VEZF1: variants seen among roughly 807,000 people sequenced by gnomAD.
VEZF1 encodes the protein putative transcription factor DB1.
In VEZF1, 5 loss-of-function variants were observed where a neutral mutation model predicts 44.1. The observed-to-expected ratio is 0.11, with a 90% CI of 0.06 to 0.24. The LOEUF is 0.24. Ranked by LOEUF, VEZF1 falls within the 10% of genes least tolerant of loss-of-function variation. The pLI, the probability that VEZF1 is intolerant of heterozygous loss-of-function variation, is 1.00. For synonymous variants in VEZF1, 236 were observed against 233.1 expected (o/e 1.01, Z -0.11); for missense variants, 358 against 641.8 (o/e 0.56, Z 4.78).
In VEZF1 at chr17:57,983,594, T is replaced by C. The variant is rs372673813; in HGVS notation, c.34-201A>G. Among the ~76,000 whole-genome samples, 26 of 152,334 alleles carry C rather than the reference T, an allele frequency of 1.7e-4. 1 individual carries two copies. The Middle Eastern group carries it at 0.014, about 80-fold the overall frequency. On this transcript the variant is annotated intron_variant, in intron 1 of 5. Transcript: ENST00000581208. ...AAATCACTGTGCAGACACAAAACTTTTGCAACTAAGTTGCTGACAGTGATC... is the reference window on the plus strand; with the variant it reads ...AAATCACTGTGCAGACACAAAACTTCTGCAACTAAGTTGCTGACAGTGATC...
intron 1 of VEZF1, among the ~76,000 whole-genome samples, chr17:57,984,092 T>A (rs1490824665): frequency 5.3e-5 from 8 of 152,256 alleles, no homozygotes; most frequent in Admixed American, 4.6e-4. Context: ...TATACTGAAG[T>A]CTGCATCTTT....
Position 57,978,913 on chromosome 17 carries a change from T to C in VEZF1, c.1138+239A>G, listed in dbSNP as rs545570997. 1.4e-3 allele frequency among the ~76,000 whole-genome samples: 216 copies of C among 152,298 alleles called. 1 individual carries two copies. Among genetic ancestry groups the C allele is most frequent in the Non-Finnish European group, 2.1e-3 (141 of 68,020 alleles). The stretch of plus-strand genomic sequence containing the variant: ...TTGGATCCAGGTTTGTAGCAAAAAG[T>C]ACATCAAAAGAAAGAACATGATAGG... On this transcript the variant is annotated intron_variant, in intron 5 of 5. Coordinates refer to ENST00000581208, the MANE Select transcript of VEZF1 (RefSeq NM_007146.3).
In VEZF1 at chr17:57,974,843, G is replaced by C. The variant is rs1362324015; in HGVS notation, c.1196C>G (p.Thr399Ser). The stretch of plus-strand genomic sequence containing the variant: ...CACAGAGGATGTTATACTGAATGGA[G>C]TAGTGAGAGTCACAGGTGTCGTAGC... Reference protein sequence around the residue: ...TAATTPVTLTTPFSITSSVSS... With the variant: ...TAATTPVTLTSPFSITSSVSS... The change falls in exon 6 of 6, where the codon ACT (threonine) becomes AGT (serine). Residue 399 changes from threonine to serine, a missense_variant. Around this residue, in one of 4 missense-constraint regions of VEZF1, gnomAD observed 171 missense variants for 272.4 expected, o/e 0.63. Coordinates refer to ENST00000581208, the MANE Select transcript of VEZF1 (RefSeq NM_007146.3). 4.3e-6 allele frequency: 7 copies of C among 1,614,106 alleles called. No homozygotes were observed. Among genetic ancestry groups the C allele is most frequent in the Non-Finnish European group, 5.1e-6 (6 of 1,180,056 alleles).
At chr17:57,981,460 A>C (rs2075249144) in intron 3 of VEZF1, among the ~76,000 whole-genome samples, 1 of 152,354 alleles carries the variant, frequency 6.6e-6, no homozygotes, top group South Asian at 2.1e-4. Flanking sequence ...AATAACAAAC[A>C]AAAATCTAGT....
rs1035582202 is a variant in VEZF1 at position 57,980,588 on chromosome 17, T to G, written c.976+15A>C. On this transcript the variant is annotated intron_variant, in intron 4 of 5. Coordinates refer to ENST00000581208, the MANE Select transcript of VEZF1 (RefSeq NM_007146.3). The stretch of plus-strand genomic sequence containing the variant: ...TCTGAAATATAAAAGAAAGAAAATC[T>G]GAAGCACCACCTACTTTTACTGATG... 1.2e-6 allele frequency: 2 copies of G among 1,609,866 alleles called. No individual in the cohort carries two copies. The highest frequency in any genetic ancestry group is 1.7e-6 in the Non-Finnish European group (2 of 1,178,368).
chr17:57,981,736 C>A, intron 3 of VEZF1, 137 bp downstream of exon 3: 1 of 618,354 alleles, frequency 1.6e-6, no homozygotes, highest in Non-Finnish European at 2.6e-6. Context: ...TTTTATAAAA[C>A]TAGAAGTCAA....
In VEZF1 at chr17:57,971,883, TCAAC is replaced by T. The variant is rs2075139284; in HGVS notation, c.*2586_*2589del. ...TCGTAGAGCAGTGGCTGTCGTGCCTTCAACACCTGGTTGAATCAGTTCATCAACA... is the reference window on the plus strand; with the variant it reads ...TCGTAGAGCAGTGGCTGTCGTGCCTTACCTGGTTGAATCAGTTCATCAACA... On this transcript the variant is annotated 3_prime_UTR_variant, in exon 6 of 6. Transcript: ENST00000581208. 1 of 152,618 alleles carries T rather than the reference TCAAC, an allele frequency of 6.6e-6. No individual in the cohort carries two copies. The highest frequency in any genetic ancestry group is 1.5e-5 in the Non-Finnish European group (1 of 68,022). 9.5% of individuals were successfully genotyped at this position (152,618 alleles called of 1,614,324 possible). A position where few individuals can be genotyped will look rare whatever the true frequency, so the allele number is the denominator to read the frequency against.
intron 5 of VEZF1, among the ~76,000 whole-genome samples, chr17:57,977,615 C>G (rs1423053648): frequency 6.6e-6 from 1 of 152,032 alleles, no homozygotes; most frequent in African/African-American, 2.4e-5. Context: ...GAGGGTGAGG[C>G]GGGCAGATCA....
At position 57,983,155 on chromosome 17, in the gene VEZF1, C is replaced by T. The variant is rs2075266401; in HGVS notation, c.272G>A (p.Arg91His). Reference protein sequence around the residue: ...KAFRDSYHLRRHESCHTGIKL... With the variant: ...KAFRDSYHLRHHESCHTGIKL... ...GATCCCTGTGTGGCAGGATTCGTGG[C>T]GCCTCAGGTGATAGCTGTCCCTGAA... The change falls in exon 2 of 6, where the codon CGC becomes CAC. Residue 91 changes from arginine (R) to histidine (H), a missense_variant. This residue lies in a region of VEZF1 where 117 missense variants were observed against 207.2 expected (regional missense o/e 0.56). Coordinates refer to ENST00000581208, the MANE Select transcript of VEZF1 (RefSeq NM_007146.3). 1.9e-6 allele frequency: 3 copies of T among 1,613,964 alleles called. No individual in the cohort carries two copies. The highest frequency in any genetic ancestry group is 1.7e-6 in the Non-Finnish European group (2 of 1,180,014).
chr17:57,978,551 T>C (rs1444947979), intron 5 of VEZF1, among the ~76,000 whole-genome samples: 2 of 152,136 alleles, frequency 1.3e-5, no homozygotes, highest in Non-Finnish European at 2.9e-5. Flanking sequence ...AAGCAAACCA[T>C]TTAAAATTTT....
At chr17:57,982,457 C>T (rs2075258018) in intron 2 of VEZF1, among the ~76,000 whole-genome samples, 1 of 152,130 alleles carries the variant, frequency 6.6e-6, no homozygotes, top group Non-Finnish European at 1.5e-5. Context: ...AAATGAAAGC[C>T]TGAGTCCACC....
chr17:57,987,481 G>A (rs976647033), intron 1 of VEZF1, among the ~76,000 whole-genome samples: 15 of 152,262 alleles, frequency 9.9e-5, no homozygotes, highest in Non-Finnish European at 2.2e-4. Flanking sequence ...GAGAGGGGTG[G>A]TGGCGGTGAG....
intron 5 of VEZF1, among the ~76,000 whole-genome samples, chr17:57,978,622 G>A (rs2075215349): frequency 6.6e-6 from 1 of 152,158 alleles, no homozygotes; most frequent in Admixed American, 6.5e-5. Flanking sequence ...GCCAGCCAGT[G>A]ATAGACTGAA....
rs932389139 is a variant in VEZF1 at position 57,977,125 on chromosome 17, G to GT, written c.1138+2026dup. On this transcript the variant is annotated intron_variant, in intron 5 of 5. Coordinates refer to ENST00000581208, the MANE Select transcript of VEZF1 (RefSeq NM_007146.3). ...TCTAACACAAAAGTTCATTTGTTTTGTTTTTTTTGAGATGGGGGTCTCAAT... is the reference window on the plus strand; with the variant it reads ...TCTAACACAAAAGTTCATTTGTTTTGTTTTTTTTTGAGATGGGGGTCTCAAT... Among the ~76,000 whole-genome samples the GT allele has an allele frequency of 7.2e-5, 11 of 151,778 alleles. No homozygotes were observed. The East Asian group carries it at 7.7e-4, about 11-fold the overall frequency.
Position 57,988,086 on chromosome 17 carries a change from A to G in VEZF1, c.26T>C (p.Leu9Pro). MEANWTAFLFQAHEASHHQ... is the reference protein window; with the variant it reads MEANWTAFPFQAHEASHHQ... ...CGGGGGGGCCCCCAGTACCTGGAAC[A>G]GGAACGCGGTCCAGTTGGCCTCCAT... is the stretch of plus-strand genomic sequence containing the variant. The change falls in exon 1 of 6, where the codon CTG (leucine) becomes CCG (proline). Residue 9 changes from leucine to proline, a missense_variant. Physicochemically the swap from Leu to Pro is moderately conservative, Grantham distance 98. This residue lies in a region of VEZF1 where 22 missense variants were observed against 17.3 expected (regional missense o/e 1.27). Coordinates refer to ENST00000581208, the MANE Select transcript of VEZF1 (RefSeq NM_007146.3). 3.0e-6 allele frequency: 2 copies of G among 664,070 alleles called. No homozygotes were observed. The highest frequency in any genetic ancestry group is 4.0e-6 in the Non-Finnish European group (2 of 502,270). 41.1% of individuals were successfully genotyped at this position (664,070 alleles called of 1,614,324 possible). A position where few individuals can be genotyped will look rare whatever the true frequency, so the allele number is the denominator to read the frequency against.
At position 57,974,512 on chromosome 17, in the gene VEZF1, A is replaced by T; in HGVS notation, c.1527T>A (p.Pro509=). ...ATGTAGGCAAAGCTTGGGGCAAGAAAGGCATGCTCTCTACAGGTCTCATTG... is the reference window on the plus strand; with the variant it reads ...ATGTAGGCAAAGCTTGGGGCAAGAATGGCATGCTCTCTACAGGTCTCATTG... ...NIAMRPVESM[P]FLPQALPTSP... is the part of the protein sequence containing the mutation. Residue 509 remains proline (P), a synonymous_variant, in exon 6 of 6, where the codon CCT becomes CCA. Transcript: ENST00000581208. 5 of 1,614,004 alleles carry T rather than the reference A, an allele frequency of 3.1e-6. No homozygotes were observed. In the East Asian group the frequency reaches 8.9e-5, roughly 29 times the overall value.
intron 5 of VEZF1, among the ~76,000 whole-genome samples, chr17:57,978,124 A>G (rs1388183396): frequency 6.6e-6 from 1 of 151,802 alleles, no homozygotes; most frequent in Non-Finnish European, 1.5e-5. Flanking sequence ...AATCACTTGA[A>G]CCCAGGAGGC....
chr17:57,983,126 A>T lies in VEZF1; in HGVS notation c.301T>A (p.Leu101Met). The change falls in exon 2 of 6, where the codon TTG (leucine) becomes ATG (methionine). Residue 101 changes from leucine (L) to methionine (M), a missense_variant. Leu to Met is a conservative substitution (Grantham distance 15). Transcript: ENST00000581208. ...RHESCHTGIK[L>M]VSRPKKTPTT... is the part of the protein sequence containing the mutation. ...GGGGTTTTCTTTGGCCGGGACACCA[A>T]CTTGATCCCTGTGTGGCAGGATTCG... 6.2e-7 allele frequency: 1 copy of T among 1,614,208 alleles called. No individual in the cohort carries two copies. Among genetic ancestry groups the T allele is most frequent in the Non-Finnish European group, 8.5e-7 (1 of 1,180,032 alleles).
intron 1 of VEZF1, among the ~76,000 whole-genome samples, chr17:57,986,969 T>C (rs2075300001): frequency 6.6e-6 from 1 of 152,162 alleles, no homozygotes; most frequent in Non-Finnish European, 1.5e-5. Context: ...TACTGCCCAC[T>C]GAATGCTTCG....
Sources: gnomAD v4.1 joint callset for allele counts (sites outside exome capture counted in the v4.1 genomes callset) on GRCh38, gnomAD v4.1.1 for gene constraint, gnomAD v4.1.1 regional missense constraint, MANE v1.5 for transcripts, NCBI Gene and HGNC (gene_info 2026-07-23, HGNC 2026-07-21) for gene names.